Variants in PHKB observed in about 807,000 individuals in gnomAD.
The protein encoded by PHKB is phosphorylase kinase regulatory subunit beta, also known as phosphorylase b kinase regulatory subunit beta.
Under a neutral mutation model 152.1 loss-of-function variants are expected in PHKB, and 122 were observed. The observed-to-expected ratio is 0.80, with a 90% CI of 0.69 to 0.93. The LOEUF (loss-of-function observed/expected upper bound fraction) is 0.93. Ranked by LOEUF, PHKB falls within the 40% of genes least tolerant of loss-of-function variation. The probability of loss-of-function intolerance (pLI) is 0.00; values close to 1 mark genes in which losing one functional copy is unlikely to be tolerated. For missense variants in PHKB, 1,304 were observed against 1,328.4 expected (o/e 0.98, Z 0.29); for synonymous variants, 436 against 464.9 (o/e 0.94, Z 0.80).
intron 4 of PHKB, among the ~76,000 whole-genome samples, chr16:47,506,218 A>G (rs1970416262): frequency 1.3e-5 from 2 of 151,890 alleles, no homozygotes; most frequent in Non-Finnish European, 1.5e-5. Flanking sequence ...AAAAAATAAT[A>G]AAAAGAGTGA....
chr16:47,672,898 GGTGGCAACAT>G (rs1973661146), intron 26 of PHKB, among the ~76,000 whole-genome samples: 1 of 152,118 alleles, frequency 6.6e-6, no homozygotes, highest in South Asian at 2.1e-4. Flanking sequence ...AAAAATGTCA[GGTGGCAACAT>G]GTGACTTAGT....
chr16:47,601,141 C>CT (rs1441072637), intron 13 of PHKB, among the ~76,000 whole-genome samples: 1 of 151,962 alleles, frequency 6.6e-6, no homozygotes, highest in Non-Finnish European at 1.5e-5. Flanking sequence ...CACCTGAGCC[C>CT]TGGAGGTCAA....
Position 47,700,295 on chromosome 16 carries a change from G to A in PHKB, c.*929G>A, listed in dbSNP as rs946647037. ...AACCAGGAGACGGAGGTTGCAGTGA[G>A]CTGAAATCCTGCCACTGCACACCAG... On this transcript the variant is annotated 3_prime_UTR_variant, in exon 31 of 31. Coordinates refer to ENST00000323584, the MANE Select transcript of PHKB (RefSeq NM_000293.3). 8 of 146,160 alleles carry A rather than the reference G, an allele frequency of 5.5e-5. No individual in the cohort carries two copies. Among genetic ancestry groups the A allele is most frequent in the South Asian group, 2.1e-4 (1 of 4,696 alleles). 9.1% of individuals were successfully genotyped at this position (146,160 alleles called of 1,614,324 possible).
At chr16:47,551,069 T>A (rs1476559320) in intron 7 of PHKB, among the ~76,000 whole-genome samples, 1 of 152,208 alleles carries the variant, frequency 6.6e-6, no homozygotes, top group Non-Finnish European at 1.5e-5. Context: ...GATATCTCCT[T>A]TATCATTTTT....
At chr16:47,561,323 C>T (rs543652793) in intron 7 of PHKB, 1 of 152,328 alleles carries the variant, frequency 6.6e-6, no homozygotes, top group Non-Finnish European at 1.5e-5. Flanking sequence ...ACCACCATGA[C>T]TCTCACTGGC....
At chr16:47,522,557 T>C (rs182738655) in intron 6 of PHKB, among the ~76,000 whole-genome samples, 227 of 151,850 alleles carry the variant, frequency 1.5e-3, no homozygotes, top group African/African-American at 5.0e-3. Context: ...TTTTAGTCTT[T>C]ATTATTTTTT....
chr16:47,483,034 C>CTTTTTTTTTT (rs35429055), intron 1 of PHKB, among the ~76,000 whole-genome samples: 1 of 91,852 alleles, frequency 1.1e-5, no homozygotes, highest in Non-Finnish European at 2.1e-5. Flanking sequence ...TAAATAATTT[C>CTTTTTTTTTT]TTTTTTTTTT....
Position 47,497,402 on chromosome 16 carries a change from C to G in PHKB, c.80C>G (p.Ser27Ter). 6.3e-7 allele frequency: 1 copy of G among 1,586,830 alleles called. No homozygotes were observed. The highest frequency in any genetic ancestry group is 8.6e-7 in the Non-Finnish European group (1 of 1,159,200). The stretch of plus-strand genomic sequence containing the variant: ...GGGTTTTTATTTTTTCTTTTAGGCT[C>G]AGTTTATGAACCTCTTAAAAGCATT... ...ERRARTKRSG[S>*]VYEPLKSINL... is the part of the protein sequence containing the mutation. Residue 27 changes from serine to a stop codon, truncating the protein, a stop_gained, in exon 2 of 31, where the codon TCA becomes TGA. Transcript: ENST00000323584. LOFTEE classifies it high-confidence loss of function.
intron 14 of PHKB, among the ~76,000 whole-genome samples, chr16:47,634,441 C>A (rs1167190507): frequency 1.3e-5 from 2 of 152,296 alleles, no homozygotes; most frequent in African/African-American, 4.8e-5. Context: ...CCAGCTAGAT[C>A]AAGTTCCCTG....
Position 47,661,805 on chromosome 16 carries a change from G to A in PHKB, c.2278+5G>A. 1 of 1,591,422 alleles carries A rather than the reference G, an allele frequency of 6.3e-7. No individual in the cohort carries two copies. Among genetic ancestry groups the A allele is most frequent in the Non-Finnish European group, 8.6e-7 (1 of 1,159,362 alleles). On this transcript the variant is annotated splice_donor_5th_base_variant and intron_variant, in intron 23 of 30. Transcript: ENST00000323584. ...CCAACTTCATCACAAAGGAAGGTAA[G>A]CATGCATGTCTAGGAGAACATTTTA... is the stretch of plus-strand genomic sequence containing the variant.
At chr16:47,503,790 A>G (rs1219317879) in intron 4 of PHKB, among the ~76,000 whole-genome samples, 1 of 152,054 alleles carries the variant, frequency 6.6e-6, no homozygotes, top group South Asian at 2.1e-4. Flanking sequence ...GATCATGCCA[A>G]TGCACTCCAG....
At chr16:47,480,436 G>T (rs779243712) in intron 1 of PHKB, among the ~76,000 whole-genome samples, 12 of 152,122 alleles carry the variant, frequency 7.9e-5, no homozygotes, top group Non-Finnish European at 1.8e-4. Flanking sequence ...GGCTTTAGAA[G>T]TTCTTTTTTT....
intron 26 of PHKB, chr16:47,675,530 C>T (rs1351083095): frequency 2.0e-5 from 3 of 151,836 alleles, no homozygotes; most frequent in Non-Finnish European, 4.4e-5. Context: ...CTCTCTCTCT[C>T]TCTCTCTCTC....
chr16:47,584,993 C>G (rs899631184), intron 8 of PHKB, among the ~76,000 whole-genome samples: 4 of 152,174 alleles, frequency 2.6e-5, no homozygotes, highest in African/African-American at 9.7e-5. Context: ...AGTGGTTGTT[C>G]TGGTCATGGG....
chr16:47,560,142 A>G (rs1971451465), intron 7 of PHKB, among the ~76,000 whole-genome samples: 1 of 152,136 alleles, frequency 6.6e-6, no homozygotes, highest in Non-Finnish European at 1.5e-5. Flanking sequence ...AATCAGGGTA[A>G]ATTGGTCAGC....
rs1973220429 is a variant in PHKB, at chr16:47,650,643, A to G, written c.1880+17A>G. ...CAATATAAGGTAGGTTGATAAAAGA[A>G]GTAAGGTACGTGTGTCTCACTGACA... On this transcript the variant is annotated intron_variant, in intron 19 of 30. Coordinates refer to ENST00000323584, the MANE Select transcript of PHKB (RefSeq NM_000293.3). The G allele has an allele frequency of 6.5e-7, 1 of 1,539,368 alleles. No individual in the cohort carries two copies. Among genetic ancestry groups the G allele is most frequent in the South Asian group, 1.1e-5 (1 of 89,528 alleles).
At chr16:47,670,910 C>T (rs759199782) in intron 26 of PHKB, among the ~76,000 whole-genome samples, 27 of 152,114 alleles carry the variant, frequency 1.8e-4, no homozygotes, top group Non-Finnish European at 2.9e-4. Context: ...TACAAAAATA[C>T]GGAGACTAGT....
chr16:47,609,553 TTG>T (rs144647746), intron 13 of PHKB, among the ~76,000 whole-genome samples: 15,648 of 143,422 alleles, frequency 0.11, 1,574 homozygotes, highest in African/African-American at 0.29. Flanking sequence ...GTGTGTGTGT[TTG>T]TGTGTGTGTG....
At chr16:47,641,896 T>C (rs1973030454) in intron 16 of PHKB, among the ~76,000 whole-genome samples, 1 of 152,170 alleles carries the variant, frequency 6.6e-6, no homozygotes, top group Non-Finnish European at 1.5e-5. Flanking sequence ...TATGTGTGTG[T>C]GCATGTGTGT....
Sources: gnomAD v4.1 joint callset for allele counts (sites outside exome capture counted in the v4.1 genomes callset) on GRCh38, gnomAD v4.1.1 for gene constraint, MANE v1.5 for transcripts, NCBI Gene and HGNC (gene_info 2026-07-23, HGNC 2026-07-21) for gene names.